GNPDA2: variants seen among roughly 807,000 people sequenced by gnomAD.
The protein encoded by GNPDA2 is glucosamine-6-phosphate deaminase 2.
A neutral mutation model predicts 27.0 loss-of-function variants in GNPDA2; 24 were observed. The observed-to-expected ratio is 0.89, with a 90% CI of 0.64 to 1.25. The LOEUF is 1.25. GNPDA2 is among the 50% of genes most tolerant of loss of function. The pLI is 0.00. For missense variants in GNPDA2, 286 were observed against 335.1 expected (o/e 0.85, Z 1.14); for synonymous variants, 94 against 108.4 (o/e 0.87, Z 0.83).
chr4:44,717,658 T>C (rs1308113776), intron 3 of GNPDA2, among the ~76,000 whole-genome samples: 5 of 151,856 alleles, frequency 3.3e-5, no homozygotes, highest in African/African-American at 1.2e-4. Context: ...ACCAATGAAA[T>C]TGACTTACAT....
chr4:44,725,355 A>G (rs1717944642), intron 1 of GNPDA2, among the ~76,000 whole-genome samples: 1 of 152,224 alleles, frequency 6.6e-6, no homozygotes, highest in African/African-American at 2.4e-5. Flanking sequence ...CATTAGCCAA[A>G]GATGTCTTAC....
chr4:44,708,721 AATCTT>A (rs2109698161), intron 5 of GNPDA2, among the ~76,000 whole-genome samples: 1 of 152,184 alleles, frequency 6.6e-6, no homozygotes, highest in Non-Finnish European at 1.5e-5. Context: ...TTTGTAATAT[AATCTT>A]TAAACTTTTT....
Position 44,705,612 on chromosome 4 carries a change from A to G in GNPDA2, c.769+2140T>C, listed in dbSNP as rs376654780. ...ACATATGTCGATATACCTTTTTTGGAAGCAGTGATTATCATATGGGAAAAA... is the reference window on the plus strand; with the variant it reads ...ACATATGTCGATATACCTTTTTTGGGAGCAGTGATTATCATATGGGAAAAA... On this transcript the variant is annotated intron_variant, in intron 6 of 6. Transcript: ENST00000295448. 6 of 294,406 alleles carry G rather than the reference A, an allele frequency of 2.0e-5. No individual in the cohort carries two copies. In the East Asian group the frequency reaches 7.0e-4, roughly 34 times the overall value. 18.2% of individuals were successfully genotyped at this position (294,406 alleles called of 1,614,324 possible).
intron 4 of GNPDA2, among the ~76,000 whole-genome samples, chr4:44,716,282 A>G (rs1412931130): frequency 6.6e-6 from 1 of 151,928 alleles, no homozygotes; most frequent in Non-Finnish European, 1.5e-5. Flanking sequence ...GATCAAATTC[A>G]TGTAATTTTG....
At chr4:44,721,098 G>A (rs981020745) in intron 2 of GNPDA2, among the ~76,000 whole-genome samples, 1 of 151,512 alleles carries the variant, frequency 6.6e-6, no homozygotes, top group African/African-American at 2.4e-5. Context: ...AAGATCTACT[G>A]CCCTGGACCA....
chr4:44,726,112 CAGAT>C lies in GNPDA2; in HGVS notation c.-36+358_-36+361del, dbSNP rs1277369371. On this transcript the variant is annotated intron_variant, in intron 1 of 6. Transcript: ENST00000295448. ...GTTCCTGCCCGGGAGGCGGGGGCTG[CAGAT>C]TCCCCTCAGCTGCGCGTTTGCCTGG... Among the ~76,000 whole-genome samples, 8 of 152,308 alleles carry C rather than the reference CAGAT, an allele frequency of 5.3e-5. No homozygotes were observed. In the East Asian group the frequency reaches 1.6e-3, roughly 30 times the overall value.
chr4:44,721,490 C>T lies in GNPDA2; in HGVS notation c.124+594G>A, dbSNP rs1000134023. 2.0e-5 allele frequency among the ~76,000 whole-genome samples: 3 copies of T among 152,112 alleles called. No individual in the cohort carries two copies. In the South Asian group the frequency reaches 6.2e-4, roughly 32 times the overall value. ...AATAAAGTGCCATAAGATCAAATGA[C>T]ACCACCTAGTCGTTTTTTAAGAGAA... On this transcript the variant is annotated intron_variant, in intron 2 of 6. Coordinates refer to ENST00000295448, the MANE Select transcript of GNPDA2 (RefSeq NM_138335.3).
chr4:44,724,351 G>A (rs1717876469), intron 1 of GNPDA2, among the ~76,000 whole-genome samples: 1 of 152,108 alleles, frequency 6.6e-6, no homozygotes, highest in Non-Finnish European at 1.5e-5. Flanking sequence ...ATGAATGCGG[G>A]TATCTTTTTG....
Position 44,702,897 on chromosome 4 carries a change from T to C in GNPDA2, c.*184A>G. 1 of 1,413,958 alleles carries C rather than the reference T, an allele frequency of 7.1e-7. No individual in the cohort carries two copies. The highest frequency in any genetic ancestry group is 9.1e-7 in the Non-Finnish European group (1 of 1,093,800). The allele number at this position is 1,413,958 out of a possible 1,614,324, so 87.6% of individuals were successfully genotyped here. A position where few individuals can be genotyped will look rare whatever the true frequency, so the allele number is the denominator to read the frequency against. On this transcript the variant is annotated 3_prime_UTR_variant, in exon 7 of 7. Coordinates refer to ENST00000295448, the MANE Select transcript of GNPDA2 (RefSeq NM_138335.3). ...CAGTCAATCTTGAGAGCCAGCTACT[T>C]CTCTTAAACCCAAGTACAAGATATA... is the stretch of plus-strand genomic sequence containing the variant.
In GNPDA2 at chr4:44,702,993, G is replaced by A; in HGVS notation, c.*88C>T. 1 of 1,569,838 alleles carries A rather than the reference G, an allele frequency of 6.4e-7. No individual in the cohort carries two copies. Among genetic ancestry groups the A allele is most frequent in the Non-Finnish European group, 8.6e-7 (1 of 1,166,412 alleles). On this transcript the variant is annotated 3_prime_UTR_variant, in exon 7 of 7. Coordinates refer to ENST00000295448, the MANE Select transcript of GNPDA2 (RefSeq NM_138335.3). The stretch of plus-strand genomic sequence containing the variant: ...AATGACAATCTTCAAAATTCCCCAT[G>A]TTTTGTCATATTGCATAGCTGAAAA...
At chr4:44,716,177 G>C (rs1483149032) in intron 4 of GNPDA2, among the ~76,000 whole-genome samples, 1 of 151,908 alleles carries the variant, frequency 6.6e-6, no homozygotes, top group Non-Finnish European at 1.5e-5. Flanking sequence ...TTTTACGTCT[G>C]ACTTTAAAAC....
chr4:44,717,345 G>GA, intron 3 of GNPDA2, 50 bp from the exon 4 acceptor site: 1 of 1,053,698 alleles, frequency 9.5e-7, no homozygotes, highest in Non-Finnish European at 1.3e-6. Context: ...TAAATCTAAA[G>GA]TTTATTTTTC....
At chr4:44,709,133 T>C (rs752126298) in intron 5 of GNPDA2, among the ~76,000 whole-genome samples, 8 of 151,950 alleles carry the variant, frequency 5.3e-5, no homozygotes, top group Non-Finnish European at 1.0e-4. Flanking sequence ...TGGCAAGAAA[T>C]CTCAACATGA....
chr4:44,721,157 G>A (rs751075377), intron 2 of GNPDA2, among the ~76,000 whole-genome samples: 44 of 151,940 alleles, frequency 2.9e-4, no homozygotes, highest in Admixed American at 8.5e-4. Flanking sequence ...TACCATTCAC[G>A]GAAATTACTC....
At chr4:44,703,639 T>G (rs1379590645) in intron 6 of GNPDA2, 2 of 984,052 alleles carry the variant, frequency 2.0e-6, no homozygotes, top group African/African-American at 3.5e-5. Context: ...TGATTACAAA[T>G]TCTACACTGA....
intron 6 of GNPDA2, 72 bp downstream of exon 6, chr4:44,707,680 C>T: frequency 7.4e-7 from 1 of 1,342,752 alleles, no homozygotes; most frequent in Non-Finnish European, 1.0e-6. Context: ...GATTTAACCC[C>T]ACAGTCACAG....
chr4:44,710,933 A>G lies in GNPDA2; in HGVS notation c.594+20T>C. On this transcript the variant is annotated intron_variant, in intron 5 of 6. Transcript: ENST00000295448. ...ATATTAACATGAAAAGAAAGACAGC[A>G]AAGAATATTTAATGCTTACTTCTCT... 6.5e-7 allele frequency: 1 copy of G among 1,535,204 alleles called. No individual in the cohort carries two copies. The highest frequency in any genetic ancestry group is 2.3e-5 in the East Asian group (1 of 42,702).
chr4:44,715,177 AG>A (rs1167997319), intron 4 of GNPDA2, among the ~76,000 whole-genome samples: 2 of 152,222 alleles, frequency 1.3e-5, no homozygotes, highest in Non-Finnish European at 2.9e-5. Flanking sequence ...GAAAGAGGAA[AG>A]TTCTACCAGA....
rs771657870 is a variant in GNPDA2 at position 44,718,427 on chromosome 4, T to A, written c.125-17A>T. 16 of 941,244 alleles carry A rather than the reference T, an allele frequency of 1.7e-5. No individual in the cohort carries two copies. The highest frequency in any genetic ancestry group is 2.3e-5 in the Non-Finnish European group (15 of 644,676). The allele number at this position is 941,244 out of a possible 1,614,324, so 58.3% of individuals were successfully genotyped here. On this transcript the variant is annotated splice_polypyrimidine_tract_variant and intron_variant, in intron 2 of 6. Coordinates refer to ENST00000295448, the MANE Select transcript of GNPDA2 (RefSeq NM_138335.3). ...GTGTACTCCCTAAAAGACATAAAAA[T>A]TCCATTTTCTAAAATGACTTAATAA...
Sources: gnomAD v4.1 joint callset for allele counts (sites outside exome capture counted in the v4.1 genomes callset) on GRCh38, gnomAD v4.1.1 for gene constraint, MANE v1.5 for transcripts, NCBI Gene and HGNC (gene_info 2026-07-23, HGNC 2026-07-21) for gene names.